The following OLFM3 variants were observed in gnomAD, a reference collection of about 807,000 sequenced individuals.
OLFM3 encodes the protein olfactomedin 3.
A neutral mutation model predicts 48.6 loss-of-function variants in OLFM3; 20 were observed. That is an observed-to-expected ratio of 0.41 (90% CI 0.29 to 0.60). The LOEUF is 0.60. OLFM3 is among the 20% of genes least tolerant of loss of function. The probability of loss-of-function intolerance (pLI) is 0.28; values close to 1 mark genes in which losing one functional copy is unlikely to be tolerated. For missense variants in OLFM3, 437 were observed against 544.3 expected (o/e 0.80, Z 1.96); for synonymous variants, 222 against 198.1 (o/e 1.12, Z -1.01).
intron 1 of OLFM3, among the ~76,000 whole-genome samples, chr1:101,990,503 G>A (rs1024140031): frequency 6.6e-6 from 1 of 152,020 alleles, no homozygotes; most frequent in African/African-American, 2.4e-5. Flanking sequence ...CTCCATTGCT[G>A]TTATATTATT....
intron 1 of OLFM3, among the ~76,000 whole-genome samples, chr1:101,968,945 G>T (rs572135607): frequency 6.6e-6 from 1 of 152,210 alleles, no homozygotes; most frequent in East Asian, 1.9e-4. Context: ...ATTCCTGCTT[G>T]AGATAGCTCC....
chr1:101,943,444 T>C lies in OLFM3; in HGVS notation c.69+53304A>G, dbSNP rs1205962534. Among the ~76,000 whole-genome samples, 3 of 152,308 alleles carry C rather than the reference T, an allele frequency of 2.0e-5. No homozygotes were observed. The East Asian group carries it at 5.8e-4, about 29-fold the overall frequency. On this transcript the variant is annotated intron_variant, in intron 1 of 5. Transcript: ENST00000370103. ...CCTATCACTTCTGCTTTTTTGGTTG[T>C]CCATTTACTGGCACAAACGTATATG...
intron 1 of OLFM3, among the ~76,000 whole-genome samples, chr1:101,920,404 T>G (rs979583004): frequency 4.6e-5 from 7 of 152,216 alleles, no homozygotes; most frequent in African/African-American, 1.7e-4. Flanking sequence ...GCAGGGTATT[T>G]GTCTCCTTTA....
At chr1:101,940,715 T>G (rs942887588) in intron 1 of OLFM3, among the ~76,000 whole-genome samples, 3 of 150,066 alleles carry the variant, frequency 2.0e-5, no homozygotes, top group African/African-American at 4.9e-5. Context: ...TATATATATA[T>G]CTTTGTATAT....
intron 1 of OLFM3, chr1:101,893,370 A>G: frequency 2.6e-6 from 1 of 388,152 alleles, no homozygotes; most frequent in Non-Finnish European, 5.3e-6. Flanking sequence ...ATGGAGACCC[A>G]GGGCCATGGG....
At chr1:101,811,363 T>A (rs897602591) in intron 4 of OLFM3, among the ~76,000 whole-genome samples, 1 of 152,092 alleles carries the variant, frequency 6.6e-6, no homozygotes, top group African/African-American at 2.4e-5. Flanking sequence ...CTAAAGAGCT[T>A]CTGCACAGCA....
rs547045861 is a variant in OLFM3 at position 101,849,830 on chromosome 1, G to A, written c.70-12805C>T. On this transcript the variant is annotated intron_variant, in intron 1 of 5. Transcript: ENST00000370103. ...TAGTTTGGGGGTTTGGATGATGAGC[G>A]TCAATCATCAGAATAAGATACACAG... is the stretch of plus-strand genomic sequence containing the variant. Among the ~76,000 whole-genome samples the A allele has an allele frequency of 3.9e-5, 6 of 152,244 alleles. No individual in the cohort carries two copies. The South Asian group carries it at 6.2e-4, about 16-fold the overall frequency.
Position 101,840,884 on chromosome 1 carries a change from CA to C in OLFM3, c.70-3860del, listed in dbSNP as rs1431341404. ...ACATATAGTTTAGTGGTACCCAAAG[CA>C]TTAATAATCACAGTGATTACTGATG... is the stretch of plus-strand genomic sequence containing the variant. On this transcript the variant is annotated intron_variant, in intron 1 of 5. Transcript: ENST00000370103. 1.2e-4 allele frequency among the ~76,000 whole-genome samples: 18 copies of C among 152,282 alleles called. No individual in the cohort carries two copies. The East Asian group carries it at 3.5e-3, about 29-fold the overall frequency.
At chr1:101,968,318 G>A (rs1461448216) in intron 1 of OLFM3, among the ~76,000 whole-genome samples, 8 of 151,674 alleles carry the variant, frequency 5.3e-5, no homozygotes, top group Non-Finnish European at 7.4e-5. Flanking sequence ...ACACCATAAA[G>A]AATTATGTTG....
At chr1:101,941,796 A>G (rs1659802521) in intron 1 of OLFM3, among the ~76,000 whole-genome samples, 1 of 152,194 alleles carries the variant, frequency 6.6e-6, no homozygotes. Flanking sequence ...CAAGTGGGGC[A>G]TTGATATTAG....
chr1:101,900,701 A>T (rs1658361727), intron 1 of OLFM3, among the ~76,000 whole-genome samples: 1 of 152,096 alleles, frequency 6.6e-6, no homozygotes. Flanking sequence ...AAGTAAAGAA[A>T]ATATATGAAA....
At chr1:101,818,313 G>A (rs1654434019) in intron 4 of OLFM3, among the ~76,000 whole-genome samples, 1 of 151,922 alleles carries the variant, frequency 6.6e-6, no homozygotes, top group Non-Finnish European at 1.5e-5. Flanking sequence ...GAGATAAGAG[G>A]AGGATTAATG....
chr1:101,858,274 T>C (rs1035578943), intron 1 of OLFM3, among the ~76,000 whole-genome samples: 2 of 152,042 alleles, frequency 1.3e-5, no homozygotes, highest in Non-Finnish European at 2.9e-5. Context: ...GTAGAATTAT[T>C]TGAGGAGCAA....
intron 1 of OLFM3, among the ~76,000 whole-genome samples, chr1:101,928,674 G>A (rs1048024441): frequency 1.3e-5 from 2 of 152,120 alleles, no homozygotes; most frequent in African/African-American, 4.8e-5. Flanking sequence ...CCTTAGATAT[G>A]TCTACAACAA....
intron 2 of OLFM3, among the ~76,000 whole-genome samples, chr1:101,836,471 T>G (rs1423548555): frequency 6.6e-6 from 1 of 152,222 alleles, no homozygotes; most frequent in African/African-American, 2.4e-5. Context: ...CCAGATAGCT[T>G]GCATATCACA....
chr1:101,879,828 G>A (rs1270971546), intron 1 of OLFM3, among the ~76,000 whole-genome samples: 2 of 151,736 alleles, frequency 1.3e-5, no homozygotes, highest in African/African-American at 2.4e-5. Context: ...ACTCCTTTAT[G>A]AATCTGTAAG....
At chr1:101,925,682 C>A (rs1376154017) in intron 1 of OLFM3, among the ~76,000 whole-genome samples, 1 of 141,276 alleles carries the variant, frequency 7.1e-6, no homozygotes, top group Non-Finnish European at 1.5e-5. Context: ...CCACTCCCGG[C>A]TAATTAATTA....
At chr1:101,832,415 G>A (rs1419699072) in intron 2 of OLFM3, among the ~76,000 whole-genome samples, 1 of 152,140 alleles carries the variant, frequency 6.6e-6, no homozygotes, top group African/African-American at 2.4e-5. Context: ...ATACTGTCTT[G>A]GCCTGCCTCA....
At chr1:101,897,674 A>G (rs930352598) in intron 1 of OLFM3, among the ~76,000 whole-genome samples, 1 of 152,172 alleles carries the variant, frequency 6.6e-6, no homozygotes, top group Admixed American at 6.5e-5. Flanking sequence ...AATATTAGAA[A>G]CAGCTATGAT....
Sources: gnomAD v4.1 joint callset for allele counts (sites outside exome capture counted in the v4.1 genomes callset) on GRCh38, gnomAD v4.1.1 for gene constraint, MANE v1.5 for transcripts, NCBI Gene and HGNC (gene_info 2026-07-23, HGNC 2026-07-21) for gene names.